The following ZFHX3 variants were observed in gnomAD, a reference collection of about 807,000 sequenced individuals.
ZFHX3 encodes zinc finger homeobox 3, also known as zinc finger homeobox protein 3.
A neutral mutation model predicts 279.1 loss-of-function variants in ZFHX3; 42 were observed. The observed-to-expected ratio is 0.15, with a 90% CI of 0.12 to 0.19. The LOEUF (loss-of-function observed/expected upper bound fraction) is 0.19. Among genes scored for constraint, ZFHX3 ranks in the 10% least tolerant of loss-of-function variants. The probability of loss-of-function intolerance (pLI) is 1.00; values close to 1 mark genes in which losing one functional copy is unlikely to be tolerated. For missense variants in ZFHX3, 4,981 were observed against 4,754.0 expected (o/e 1.05, Z -1.40); for synonymous variants, 2,293 against 1,957.8 (o/e 1.17, Z -4.52).
At chr16:73,871,790 G>A (rs2029862684) in intron 1 of ZFHX3, among the ~76,000 whole-genome samples, 1 of 152,062 alleles carries the variant, frequency 6.6e-6, no homozygotes, top group Non-Finnish European at 1.5e-5. Context: ...TTCATAGTGA[G>A]ACCATAGTTA....
At chr16:73,071,371 T>TG (rs1357868083) in intron 8 of ZFHX3, among the ~76,000 whole-genome samples, 6 of 149,208 alleles carry the variant, frequency 4.0e-5, no homozygotes, top group Non-Finnish European at 7.5e-5. Flanking sequence ...CCTTCCCCAC[T>TG]GCCAGACCAC....
chr16:72,971,093 C>T (rs1366588990), intron 1 of ZFHX3, among the ~76,000 whole-genome samples: 2 of 152,172 alleles, frequency 1.3e-5, no homozygotes, highest in African/African-American at 4.8e-5. Flanking sequence ...TCGGATCACG[C>T]TGCTGTTTAT....
At position 73,288,698 on chromosome 16, in the gene ZFHX3, C is replaced by T. The variant is rs571119965; in HGVS notation, c.-1194+29542G>A. On this transcript the variant is annotated intron_variant, in intron 4 of 17. Coordinates refer to the ZFHX3 transcript ENST00000641206. ...TGGACTGCTTCGTTTGAGGCTTCTG[C>T]AGCAGCTGCTGCCGCTCTACACAAA... Among the ~76,000 whole-genome samples the T allele has an allele frequency of 1.2e-4, 18 of 151,970 alleles. 1 individual carries two copies. The highest frequency in any genetic ancestry group is 1.5e-4 in the Non-Finnish European group (10 of 67,962).
intron 4 of ZFHX3, among the ~76,000 whole-genome samples, chr16:73,298,479 C>G (rs1217885384): frequency 6.6e-6 from 1 of 151,634 alleles, no homozygotes; most frequent in Non-Finnish European, 1.5e-5. Context: ...CCACTGCGCC[C>G]AACCTATTTA....
intron 5 of ZFHX3, among the ~76,000 whole-genome samples, chr16:73,153,375 T>G (rs1451452179): frequency 6.6e-6 from 1 of 152,200 alleles, no homozygotes; most frequent in Non-Finnish European, 1.5e-5. Flanking sequence ...GCCTCCTGCC[T>G]CCGTCTCCCA....
intron 2 of ZFHX3, among the ~76,000 whole-genome samples, chr16:73,556,319 G>A (rs958096141): frequency 6.6e-6 from 1 of 152,200 alleles, no homozygotes; most frequent in South Asian, 2.1e-4. Flanking sequence ...AAGGAGTGGG[G>A]AGGGGGGTGG....
In ZFHX3 at chr16:73,645,090, C is replaced by T. The variant is rs191210586; in HGVS notation, c.-1547+35090G>A. ...TTGCCAGAGCATCTCATGGGACTTACAGTGATGGATTTTAGTCAAGCAACC... is the reference window on the plus strand; with the variant it reads ...TTGCCAGAGCATCTCATGGGACTTATAGTGATGGATTTTAGTCAAGCAACC... On this transcript the variant is annotated intron_variant, in intron 2 of 17. Coordinates refer to the ZFHX3 transcript ENST00000641206. Among the ~76,000 whole-genome samples, 33 of 152,260 alleles carry T rather than the reference C, an allele frequency of 2.2e-4. No individual in the cohort carries two copies. In the East Asian group the frequency reaches 4.4e-3, roughly 20 times the overall value.
chr16:72,987,349 C>G (rs1169315635), intron 1 of ZFHX3, among the ~76,000 whole-genome samples: 1 of 152,208 alleles, frequency 6.6e-6, no homozygotes, highest in South Asian at 2.1e-4. Flanking sequence ...TGAGAGCTGA[C>G]AGGCCAAAGT....
intron 7 of ZFHX3, 34 bp from the exon 8 acceptor site, chr16:72,800,163 A>T (rs370800580): frequency 1.3e-6 from 2 of 1,558,436 alleles, no homozygotes; most frequent in Non-Finnish European, 1.8e-6. Context: ...TCAAATGGAG[A>T]GGAAAGCGAC....
At chr16:73,205,337 T>G (rs1302930439) in intron 5 of ZFHX3, among the ~76,000 whole-genome samples, 1 of 152,214 alleles carries the variant, frequency 6.6e-6, no homozygotes, top group Non-Finnish European at 1.5e-5. Flanking sequence ...GAAAGCTACT[T>G]GCCTGGGGTC....
At chr16:73,432,134 G>A (rs750212712) in intron 3 of ZFHX3, among the ~76,000 whole-genome samples, 4 of 152,190 alleles carry the variant, frequency 2.6e-5, no homozygotes, top group Non-Finnish European at 5.9e-5. Flanking sequence ...AAGAAATAGA[G>A]TCTCGTGGTC....
intron 2 of ZFHX3, among the ~76,000 whole-genome samples, chr16:73,645,384 G>A (rs1382279118): frequency 6.6e-6 from 1 of 152,120 alleles, no homozygotes; most frequent in African/African-American, 2.4e-5. Flanking sequence ...AGCCTCCCGA[G>A]TAGCTGGGAC....
chr16:73,388,888 G>A (rs541738933), intron 3 of ZFHX3: 3 of 152,292 alleles, frequency 2.0e-5, no homozygotes, highest in Admixed American at 6.5e-5. Flanking sequence ...ACTCCCCTTG[G>A]GGTACCTCTG....
chr16:73,285,553 G>A (rs1397760266), intron 4 of ZFHX3, among the ~76,000 whole-genome samples: 1 of 152,192 alleles, frequency 6.6e-6, no homozygotes, highest in Non-Finnish European at 1.5e-5. Flanking sequence ...CCCCTCTCTT[G>A]CCATCTGTGG....
At chr16:73,426,514 T>C (rs954650242) in intron 3 of ZFHX3, among the ~76,000 whole-genome samples, 1 of 151,842 alleles carries the variant, frequency 6.6e-6, no homozygotes, top group East Asian at 1.9e-4. Flanking sequence ...AATGACAGAG[T>C]TTGAATGCAG....
At chr16:73,678,010 G>C (rs893561819) in intron 2 of ZFHX3, among the ~76,000 whole-genome samples, 2 of 152,024 alleles carry the variant, frequency 1.3e-5, no homozygotes, top group Non-Finnish European at 2.9e-5. Flanking sequence ...TCCAGTCATT[G>C]TCAAAACCCA....
chr16:73,624,625 A>T (rs1000710140), intron 2 of ZFHX3, among the ~76,000 whole-genome samples: 1 of 143,398 alleles, frequency 7.0e-6, no homozygotes, highest in East Asian at 2.2e-4. Flanking sequence ...AGCAGATAAT[A>T]AAGAATCTAT....
chr16:73,862,930 T>C (rs1463945456), intron 1 of ZFHX3, among the ~76,000 whole-genome samples: 1 of 152,086 alleles, frequency 6.6e-6, no homozygotes, highest in African/African-American at 2.4e-5. Context: ...AGTAGAAGCA[T>C]GGCCAGGAGT....
chr16:72,852,957 C>G (rs2037656189), intron 4 of ZFHX3, among the ~76,000 whole-genome samples: 1 of 152,194 alleles, frequency 6.6e-6, no homozygotes, highest in Admixed American at 6.5e-5. Context: ...ACAAGCCTGC[C>G]CTCATGGAAC....
Sources: allele counts gnomAD v4.1 joint callset (sites outside exome capture counted in the v4.1 genomes callset), GRCh38; gene constraint gnomAD v4.1.1; transcripts MANE v1.5; gene names NCBI Gene and HGNC (gene_info 2026-07-23, HGNC 2026-07-21).